The following ACP2 variants were observed in gnomAD, a reference collection of about 807,000 sequenced individuals.
The protein encoded by ACP2 is lysosomal acid phosphatase.
Under a neutral mutation model 54.7 loss-of-function variants are expected in ACP2, and 35 were observed. That is an observed-to-expected ratio of 0.64 (90% CI 0.49 to 0.85). The LOEUF (loss-of-function observed/expected upper bound fraction) is 0.85, where lower values mean the gene tolerates loss of function less well. Ranked by LOEUF, ACP2 falls within the 40% of genes least tolerant of loss-of-function variation. ACP2 has a pLI of 0.00. For synonymous variants in ACP2, 210 were observed against 224.4 expected (o/e 0.94, Z 0.57); for missense variants, 492 against 565.0 (o/e 0.87, Z 1.31).
rs370819835 is a variant in ACP2 at position 47,243,204 on chromosome 11, C to T, written c.855+35G>A. 7.1e-5 allele frequency: 114 copies of T among 1,613,716 alleles called. No homozygotes were observed. The African/African-American group carries it at 1.4e-3, about 19-fold the overall frequency. On this transcript the variant is annotated intron_variant, in intron 8 of 10. Coordinates refer to ENST00000672073, the MANE Select transcript of ACP2 (RefSeq NM_001610.4). Reference sequence around the variant, plus strand: ...AACAGAGAAGAAATCCAGCTCCTTGCCTGACACAGCACGCTAGGGAGCGCA... The same window carrying T: ...AACAGAGAAGAAATCCAGCTCCTTGTCTGACACAGCACGCTAGGGAGCGCA...
intron 10 of ACP2, 149 bp downstream of exon 10, chr11:47,242,574 G>A (rs1953912095): frequency 1.2e-6 from 1 of 835,806 alleles, no homozygotes; most frequent in African/African-American, 1.7e-5. Context: ...TGAGAAGTGG[G>A]GAGAAGGTAT....
At chr11:47,245,641 C>G in intron 4 of ACP2, 41 bp downstream of exon 4, 1 of 1,613,778 alleles carries the variant, frequency 6.2e-7, no homozygotes, top group Non-Finnish European at 8.5e-7. Flanking sequence ...ACGGCCAGAG[C>G]TGTCCCCTCA....
At chr11:47,240,878 A>G (rs1307535929) in intron 10 of ACP2, among the ~76,000 whole-genome samples, 1 of 152,184 alleles carries the variant, frequency 6.6e-6, no homozygotes, top group Non-Finnish European at 1.5e-5. Context: ...ACAGAGAGAC[A>G]AAGCAAAGTA....
In ACP2 at chr11:47,242,905, G is replaced by A; in HGVS notation, c.963-7C>T. On this transcript the variant is annotated splice_polypyrimidine_tract_variant and splice_region_variant and intron_variant, in intron 9 of 10. Coordinates refer to ENST00000672073, the MANE Select transcript of ACP2 (RefSeq NM_001610.4). ...CATCTCCACTGAGAAATTCCTGAGGGTCGACAGGAGGCAACATGGGAGCTG... is the reference window on the plus strand; with the variant it reads ...CATCTCCACTGAGAAATTCCTGAGGATCGACAGGAGGCAACATGGGAGCTG... 1 of 1,609,700 alleles carries A rather than the reference G, an allele frequency of 6.2e-7. No homozygotes were observed. The highest frequency in any genetic ancestry group is 1.1e-5 in the South Asian group (1 of 90,962).
Position 47,245,688 on chromosome 11 carries a change from C to A in ACP2, c.444G>T (p.Glu148Asp), listed in dbSNP as rs1319813357. Residue 148 changes from glutamate to aspartate, a missense_variant, in exon 4 of 11, where the codon GAG (glutamate) becomes GAT (aspartate). Coordinates refer to ENST00000672073, the MANE Select transcript of ACP2 (RefSeq NM_001610.4). ...PIPVHTVPIT[E>D]DRLLKFPLGP... is the part of the protein sequence containing the mutation. ...AAGGGCTGGCCACTCTTACCCTGTC[C>A]TCAGTGATGGGCACAGTGTGCACAG... 1 of 1,613,114 alleles carries A rather than the reference C, an allele frequency of 6.2e-7. No individual in the cohort carries two copies. Among genetic ancestry groups the A allele is most frequent in the Non-Finnish European group, 8.5e-7 (1 of 1,179,292 alleles).
In ACP2 at chr11:47,242,707, G is replaced by A; in HGVS notation, c.1138+16C>T. 1 of 1,603,496 alleles carries A rather than the reference G, an allele frequency of 6.2e-7. No homozygotes were observed. Among genetic ancestry groups the A allele is most frequent in the South Asian group, 1.1e-5 (1 of 90,530 alleles). On this transcript the variant is annotated intron_variant, in intron 10 of 10. Transcript: ENST00000672073. ...GGTCTAGGGCATGACTAGCAAGGAG[G>A]CCGGTGACAGCTCACCTGTGTCTGC... is the stretch of plus-strand genomic sequence containing the variant.
In ACP2 at chr11:47,248,035, C is replaced by G. The variant is rs769418117; in HGVS notation, c.210+3G>C. ...CCTGAGGAAAGGCTGGCTTCTGACC[C>G]ACCTTGGTTAACTGACCAAACCCCT... On this transcript the variant is annotated splice_donor_region_variant and intron_variant, in intron 2 of 10. Coordinates refer to ENST00000672073, the MANE Select transcript of ACP2 (RefSeq NM_001610.4). 6.3e-7 allele frequency: 1 copy of G among 1,592,262 alleles called. No individual in the cohort carries two copies. Among genetic ancestry groups the G allele is most frequent in the South Asian group, 1.1e-5 (1 of 87,424 alleles).
At position 47,243,305 on chromosome 11, in the gene ACP2, C is replaced by A. The variant is rs1348971576; in HGVS notation, c.789G>T (p.Gln263His). 6.2e-7 allele frequency: 1 copy of A among 1,614,066 alleles called. No individual in the cohort carries two copies. Among genetic ancestry groups the A allele is most frequent in the African/African-American group, 1.3e-5 (1 of 74,930 alleles). ...CCATTAGGGTCAGGTTCTTCCTTAT[C>A]TGAGCCAGCAGGACTCCTGAAGGAG... ...ARLQGGVLLA[Q>H]IRKNLTLMAT... is the part of the protein sequence containing the mutation. The change falls in exon 8 of 11, where the codon CAG becomes CAT. Residue 263 changes from glutamine to histidine, a missense_variant. Coordinates refer to ENST00000672073, the MANE Select transcript of ACP2 (RefSeq NM_001610.4).
Position 47,245,577 on chromosome 11 carries a change from AGAG to A in ACP2, c.451-8_451-6del. 6.2e-7 allele frequency: 1 copy of A among 1,614,258 alleles called. No homozygotes were observed. The highest frequency in any genetic ancestry group is 8.5e-7 in the Non-Finnish European group (1 of 1,180,050). Reference sequence around the variant, plus strand: ...GCCCAACGGGAACTTCAGCAGCTGTAGAGCGAAGCGGGGAAACAGGCAGCGGGA... The same window carrying A: ...GCCCAACGGGAACTTCAGCAGCTGTACGAAGCGGGGAAACAGGCAGCGGGA... On this transcript the variant is annotated splice_region_variant and splice_polypyrimidine_tract_variant and intron_variant, in intron 4 of 10. Coordinates refer to ENST00000672073, the MANE Select transcript of ACP2 (RefSeq NM_001610.4).
At chr11:47,248,000 T>C in intron 2 of ACP2, 38 bp downstream of exon 2, 1 of 1,530,590 alleles carries the variant, frequency 6.5e-7, no homozygotes, top group Non-Finnish European at 8.8e-7. Context: ...TCGCTCATTC[T>C]GCAGCTCATC....
chr11:47,246,274 G>A (rs1222111168), intron 3 of ACP2, among the ~76,000 whole-genome samples: 1 of 152,114 alleles, frequency 6.6e-6, no homozygotes, highest in Non-Finnish European at 1.5e-5. Flanking sequence ...AGAGACCAGG[G>A]AGAAAAAAAT....
Position 47,245,710 on chromosome 11 carries a change from A to G in ACP2, c.422T>C (p.Val141Ala). 1 of 1,613,798 alleles carries G rather than the reference A, an allele frequency of 6.2e-7. No homozygotes were observed. The highest frequency in any genetic ancestry group is 8.5e-7 in the Non-Finnish European group (1 of 1,179,750). Reference protein sequence around the residue: ...NPNISWQPIPVHTVPITEDRL... With the variant: ...NPNISWQPIPAHTVPITEDRL... The stretch of plus-strand genomic sequence containing the variant: ...GTCCTCAGTGATGGGCACAGTGTGC[A>G]CAGGAATAGGCTGCCACGAGATGTT... Residue 141 changes from valine to alanine, a missense_variant, in exon 4 of 11, where the codon GTG becomes GCG. Val to Ala is a moderately conservative substitution (Grantham distance 64). Coordinates refer to ENST00000672073, the MANE Select transcript of ACP2 (RefSeq NM_001610.4).
At chr11:47,243,437 A>G (rs1953948268) in intron 7 of ACP2, 116 bp from the exon 8 acceptor site, 1 of 778,372 alleles carries the variant, frequency 1.3e-6, no homozygotes, top group African/African-American at 1.7e-5. Context: ...TACACGGAGA[A>G]CTCTTTAGTG....
At chr11:47,242,276 G>A (rs549417805) in intron 10 of ACP2, among the ~76,000 whole-genome samples, 1 of 152,242 alleles carries the variant, frequency 6.6e-6, no homozygotes, top group Non-Finnish European at 1.5e-5. Context: ...AGCAGAGCCA[G>A]ATTCTAGGCA....
intron 10 of ACP2, among the ~76,000 whole-genome samples, chr11:47,241,199 T>C (rs1252562412): frequency 6.6e-6 from 1 of 152,204 alleles, no homozygotes; most frequent in African/African-American, 2.4e-5. Flanking sequence ...GAGAGGACAG[T>C]AGTATGAACT....
rs878914062 is a variant in ACP2 at position 47,248,582 on chromosome 11, A to G, written c.114+94T>C. The G allele has an allele frequency of 2.7e-5, 42 of 1,551,898 alleles. 1 individual carries two copies. The South Asian group carries it at 5.0e-4, about 18-fold the overall frequency. On this transcript the variant is annotated intron_variant, in intron 1 of 10. Transcript: ENST00000672073. ...ACCCAGGCCAGTCGTCCCCTCCTAAACCAGCTGTTCCTTCCCGAGATCCTC... is the reference window on the plus strand; with the variant it reads ...ACCCAGGCCAGTCGTCCCCTCCTAAGCCAGCTGTTCCTTCCCGAGATCCTC...
intron 3 of ACP2, among the ~76,000 whole-genome samples, chr11:47,246,473 T>G (rs868703425): frequency 1.3e-5 from 2 of 151,734 alleles, no homozygotes; most frequent in Admixed American, 6.6e-5. Context: ...CTACTTGGGA[T>G]GCTGAGGCAG....
chr11:47,244,965 G>T (rs1285488375), intron 6 of ACP2, 98 bp from the exon 7 acceptor site: 14 of 1,475,158 alleles, frequency 9.5e-6, no homozygotes, highest in Non-Finnish European at 1.3e-5. Flanking sequence ...TGTGTGTGAG[G>T]GAGGGAGAGG....
At chr11:47,247,555 G>T in intron 3 of ACP2, 86 bp downstream of exon 3, 1 of 1,478,354 alleles carries the variant, frequency 6.8e-7, no homozygotes. Context: ...AGGCCAAAGT[G>T]CCCAGCCTCA....
Sources: gnomAD v4.1 joint callset for allele counts (sites outside exome capture counted in the v4.1 genomes callset) on GRCh38, gnomAD v4.1.1 for gene constraint, MANE v1.5 for transcripts, NCBI Gene and HGNC (gene_info 2026-07-23, HGNC 2026-07-21) for gene names.